PDE2A: variants seen among roughly 807,000 people sequenced by gnomAD.
The protein encoded by PDE2A is cGMP-dependent 3',5'-cyclic phosphodiesterase.
PDE2A carries 53 observed loss-of-function variants against 133.6 expected under a neutral mutation model. The observed-to-expected ratio is 0.40, with a 90% CI of 0.32 to 0.50. The LOEUF is 0.50. Ranked by LOEUF, PDE2A falls within the 20% of genes least tolerant of loss-of-function variation. The pLI is 0.73. For missense variants in PDE2A, 796 were observed against 1,232.4 expected, an observed-to-expected ratio of 0.65 and a Z score of 5.30; for synonymous variants, 491 against 490.2, an observed-to-expected ratio of 1.00 and a Z score of -0.02.
rs946542738 is a variant in PDE2A at position 72,590,016 on chromosome 11, G to A, written c.757-35C>T. Reference sequence around the variant, plus strand: ...GGACAGGCAGGGCGAGGGGGTGACCGCGGATCCGGGTCACCCCACTCCCCA... The same window carrying A: ...GGACAGGCAGGGCGAGGGGGTGACCACGGATCCGGGTCACCCCACTCCCCA... On this transcript the variant is annotated intron_variant, in intron 9 of 30. Coordinates refer to ENST00000334456, the MANE Select transcript of PDE2A (RefSeq NM_002599.5). The surrounding 1 kb of genome is among the most constrained non-coding windows in gnomAD (Gnocchi z 4.8). 4 of 1,556,738 alleles carry A rather than the reference G, an allele frequency of 2.6e-6. No homozygotes were observed. In the African/African-American group the frequency reaches 5.4e-5, roughly 21 times the overall value.
chr11:72,646,878 G>A (rs1859140813), intron 1 of PDE2A, among the ~76,000 whole-genome samples: 1 of 152,184 alleles, frequency 6.6e-6, no homozygotes, highest in African/African-American at 2.4e-5. Context: ...TACTGAGAAT[G>A]TACTCCATGC....
intron 2 of PDE2A, among the ~76,000 whole-genome samples, chr11:72,613,414 C>A (rs1857307493): frequency 6.6e-6 from 1 of 151,858 alleles, no homozygotes; most frequent in Non-Finnish European, 1.5e-5. Context: ...GGGAAGGGTC[C>A]TTCTAGATCC....
At chr11:72,585,794 C>CAG (rs1451191819) in intron 14 of PDE2A, among the ~76,000 whole-genome samples, 2 of 152,224 alleles carry the variant, frequency 1.3e-5, no homozygotes, top group Non-Finnish European at 2.9e-5. Flanking sequence ...GGTGAGGAGT[C>CAG]TCCTGAGTGT....
chr11:72,597,671 G>A lies in PDE2A; in HGVS notation c.324-52C>T, dbSNP rs150644888. On this transcript the variant is annotated intron_variant, in intron 4 of 30. Coordinates refer to ENST00000334456, the MANE Select transcript of PDE2A (RefSeq NM_002599.5). The surrounding 1 kb of genome is among the most constrained non-coding windows in gnomAD (Gnocchi z 4.6). ...GAGAGCCCCCGACTCAGGGAGGAAC[G>A]AGGCCTGGCCTGGGAACACAGGACA... 143 of 1,258,822 alleles carry A rather than the reference G, an allele frequency of 1.1e-4. 1 individual carries two copies. The African/African-American group carries it at 1.4e-3, about 13-fold the overall frequency. The allele number at this position is 1,258,822 out of a possible 1,614,324, so 78.0% of individuals were successfully genotyped here.
At position 72,674,252 on chromosome 11, in the gene PDE2A, C is replaced by T. The variant is rs555743997; in HGVS notation, c.-45G>A. ...CCCCAGCCAGACTAAGGTGGCACCT[C>T]GCCCTGTCCCCGCTGCCTGGAGTTC... On this transcript the variant is annotated 5_prime_UTR_variant, in exon 1 of 31. Transcript: ENST00000334456. The T allele has an allele frequency of 9.7e-5, 153 of 1,575,638 alleles. No homozygotes were observed. Among genetic ancestry groups the T allele is most frequent in the Non-Finnish European group, 1.2e-4 (145 of 1,162,316 alleles).
intron 1 of PDE2A, among the ~76,000 whole-genome samples, chr11:72,653,584 A>G (rs1022254106): frequency 3.9e-5 from 6 of 152,138 alleles, no homozygotes; most frequent in African/African-American, 1.4e-4. Context: ...GCAGGAGGCA[A>G]TATAGAGATA....
At position 72,616,342 on chromosome 11, in the gene PDE2A, T is replaced by C. The variant is rs1857472253; in HGVS notation, c.145-7591A>G. Reference sequence around the variant, plus strand: ...TGCCCCCCTTTCCCCCACCATGGCATGCACTGTGTGCATCAATGCAGTGCC... The same window carrying C: ...TGCCCCCCTTTCCCCCACCATGGCACGCACTGTGTGCATCAATGCAGTGCC... On this transcript the variant is annotated intron_variant, in intron 2 of 30. Transcript: ENST00000334456. Among the ~76,000 whole-genome samples, 3 of 152,190 alleles carry C rather than the reference T, an allele frequency of 2.0e-5. 1 individual carries two copies. The highest frequency in any genetic ancestry group is 4.4e-5 in the Non-Finnish European group (3 of 68,026).
chr11:72,584,455 C>A (rs1204779155), intron 18 of PDE2A, 96 bp downstream of exon 18: 32 of 1,400,660 alleles, frequency 2.3e-5, no homozygotes, highest in Non-Finnish European at 3.0e-5. Flanking sequence ...TGCTCCGGGA[C>A]GCTGGAGGCG....
chr11:72,593,735 T>C (rs192732839), intron 6 of PDE2A, among the ~76,000 whole-genome samples: 17 of 152,290 alleles, frequency 1.1e-4, no homozygotes, highest in African/African-American at 4.1e-4. Context: ...CTTTGAGCAG[T>C]GAGCTGTAAA....
chr11:72,591,230 G>T, intron 7 of PDE2A, 67 bp downstream of exon 7: 1 of 1,351,968 alleles, frequency 7.4e-7, no homozygotes, highest in Non-Finnish European at 1.1e-6. Flanking sequence ...TCCCTGGCCA[G>T]GCCATCTTCC....
intron 1 of PDE2A, among the ~76,000 whole-genome samples, chr11:72,655,131 A>T (rs1219549243): frequency 6.6e-6 from 1 of 152,184 alleles, no homozygotes; most frequent in African/African-American, 2.4e-5. Context: ...GGGCAGCTGC[A>T]CACCAGCCTC....
At position 72,578,857 on chromosome 11, in the gene PDE2A, G is replaced by C. The variant is rs765449000; in HGVS notation, c.2469+40C>G. On this transcript the variant is annotated intron_variant, in intron 28 of 30. Coordinates refer to ENST00000334456, the MANE Select transcript of PDE2A (RefSeq NM_002599.5). The surrounding 1 kb of genome is among the most constrained non-coding windows in gnomAD (Gnocchi z 4.2). ...ACAGGGGGCACCCAAAGCTGGGCAG[G>C]GTGGGCAGCCTGTGCCTTCCCAGGG... is the stretch of plus-strand genomic sequence containing the variant. 1 of 1,281,080 alleles carries C rather than the reference G, an allele frequency of 7.8e-7. No homozygotes were observed. The highest frequency in any genetic ancestry group is 1.1e-6 in the Non-Finnish European group (1 of 878,650). 79.4% of individuals were successfully genotyped at this position (1,281,080 alleles called of 1,614,324 possible).
chr11:72,581,001 A>C (rs1360391337), intron 23 of PDE2A, 28 bp from the exon 24 acceptor site: 2 of 1,507,610 alleles, frequency 1.3e-6, no homozygotes, highest in Non-Finnish European at 1.8e-6. Flanking sequence ...AGGAGAAAAA[A>C]AAGAGGTCAG....
At chr11:72,656,333 A>G (rs1854900862) in intron 1 of PDE2A, among the ~76,000 whole-genome samples, 1 of 152,152 alleles carries the variant, frequency 6.6e-6, no homozygotes, top group African/African-American at 2.4e-5. Flanking sequence ...GCCCAATATC[A>G]GGCCCCAGGG....
At chr11:72,633,953 C>T (rs1360045225) in intron 2 of PDE2A, among the ~76,000 whole-genome samples, 1 of 152,214 alleles carries the variant, frequency 6.6e-6, no homozygotes, top group Non-Finnish European at 1.5e-5. Flanking sequence ...CTGGGCTCTG[C>T]CTCAGCCTAC....
chr11:72,592,300 C>T (rs1008353457), intron 6 of PDE2A, among the ~76,000 whole-genome samples: 13 of 152,210 alleles, frequency 8.5e-5, no homozygotes, highest in Admixed American at 2.0e-4. Context: ...CTCCCCACAG[C>T]GCCTGCACTG....
chr11:72,585,379 G>A lies in PDE2A; in HGVS notation c.1278C>T (p.Asn426=), dbSNP rs371572356. 26 of 1,613,596 alleles carry A rather than the reference G, an allele frequency of 1.6e-5. No individual in the cohort carries two copies. Among genetic ancestry groups the A allele is most frequent in the South Asian group, 2.2e-5 (2 of 91,064 alleles). Residue 426 remains asparagine (N), a synonymous_variant, in exon 16 of 31, where the codon AAC becomes AAT. Transcript: ENST00000334456. ...TGGGTAGAGTCACTCACATCTCTGC[G>A]TTGCTGAGGTTTCTGGCCTCCGTGA... ...EIITEARNLS[N]AEICSVFLLD...
chr11:72,631,949 C>T (rs538927790), intron 2 of PDE2A, among the ~76,000 whole-genome samples: 1 of 152,164 alleles, frequency 6.6e-6, no homozygotes. Flanking sequence ...GCTTCGTTCC[C>T]GTCAGCTGCT....
At chr11:72,610,816 C>A (rs1731694227) in intron 2 of PDE2A, among the ~76,000 whole-genome samples, 1 of 152,198 alleles carries the variant, frequency 6.6e-6, no homozygotes, top group South Asian at 2.1e-4. Context: ...CCTTCAGACA[C>A]CATCCATGTG....
Sources: allele counts gnomAD v4.1 joint callset (sites outside exome capture counted in the v4.1 genomes callset), GRCh38; gene constraint gnomAD v4.1.1; non-coding constraint Gnocchi (gnomAD v3.1); transcripts MANE v1.5; gene names NCBI Gene and HGNC (gene_info 2026-07-23, HGNC 2026-07-21).